The following L3MBTL4 variants were observed in gnomAD, a reference collection of about 807,000 sequenced individuals.
L3MBTL4 encodes the protein lethal(3)malignant brain tumor-like protein 4.
In L3MBTL4, 70 loss-of-function variants were observed where a neutral mutation model predicts 84.5. The ratio of observed to expected loss-of-function variants is 0.83; its 90% CI spans 0.68 to 1.01. The LOEUF (loss-of-function observed/expected upper bound fraction) is 1.01. L3MBTL4 is among the 50% of genes least tolerant of loss of function. L3MBTL4 has a pLI of 0.00. For synonymous variants in L3MBTL4, 274 were observed against 259.8 expected (o/e 1.05, Z -0.52); for missense variants, 715 against 754.8 (o/e 0.95, Z 0.62).
At chr18:6,400,967 G>A (rs565094556) in intron 1 of L3MBTL4, among the ~76,000 whole-genome samples, 10 of 152,274 alleles carry the variant, frequency 6.6e-5, no homozygotes, top group South Asian at 4.1e-4. Flanking sequence ...GACTCACAAG[G>A]TGTCCTCAAT....
At chr18:6,077,812 C>T (rs1257808170) in intron 16 of L3MBTL4, among the ~76,000 whole-genome samples, 1 of 151,264 alleles carries the variant, frequency 6.6e-6, no homozygotes, top group Non-Finnish European at 1.5e-5. Flanking sequence ...CAGTGGATCA[C>T]GAGGTCAGGA....
chr18:6,313,696 A>G (rs1490371618), intron 1 of L3MBTL4, among the ~76,000 whole-genome samples: 1 of 152,194 alleles, frequency 6.6e-6, no homozygotes, highest in Non-Finnish European at 1.5e-5. Flanking sequence ...TCAAACTGAA[A>G]TCATCTGGCT....
chr18:6,382,366 G>T (rs2054626355), intron 1 of L3MBTL4, among the ~76,000 whole-genome samples: 1 of 152,132 alleles, frequency 6.6e-6, no homozygotes, highest in Non-Finnish European at 1.5e-5. Flanking sequence ...ATCCAGTGTT[G>T]TCCCCTTGCT....
intron 1 of L3MBTL4, among the ~76,000 whole-genome samples, chr18:6,360,277 G>A (rs1025199195): frequency 2.6e-5 from 4 of 152,100 alleles, no homozygotes; most frequent in East Asian, 1.9e-4. Context: ...AGACTGACAC[G>A]GGGGGATCCC....
At chr18:6,413,647 T>G (rs62079212) in intron 1 of L3MBTL4, among the ~76,000 whole-genome samples, 407 of 152,250 alleles carry the variant, frequency 2.7e-3, no homozygotes, top group Admixed American at 4.9e-3. Flanking sequence ...ACAAGCATCT[T>G]CTAGAACAGC....
intron 10 of L3MBTL4, among the ~76,000 whole-genome samples, chr18:6,216,570 TCA>T (rs2046336737): frequency 6.6e-6 from 1 of 152,182 alleles, no homozygotes; most frequent in Non-Finnish European, 1.5e-5. Flanking sequence ...CTACATCTCT[TCA>T]GTTTATTTTA....
intron 16 of L3MBTL4, among the ~76,000 whole-genome samples, chr18:6,079,332 G>A (rs1040335988): frequency 2.6e-5 from 4 of 152,146 alleles, no homozygotes; most frequent in African/African-American, 7.2e-5. Context: ...ACCTAAGGCC[G>A]ACTGCTCCTC....
intron 16 of L3MBTL4, among the ~76,000 whole-genome samples, chr18:6,051,561 G>A (rs887801461): frequency 6.6e-6 from 1 of 151,610 alleles, no homozygotes; most frequent in Non-Finnish European, 1.5e-5. Flanking sequence ...AGGAAGAAAC[G>A]AATAGGGCAG....
chr18:5,960,011 C>T (rs1016778232), intron 18 of L3MBTL4, 83 bp downstream of exon 18: 8 of 172,052 alleles, frequency 4.6e-5, no homozygotes, highest in African/African-American at 1.9e-4. Context: ...GAAATACATA[C>T]ATATATATAT....
intron 4 of L3MBTL4, among the ~76,000 whole-genome samples, chr18:6,289,063 T>C (rs905028802): frequency 4.6e-5 from 7 of 152,060 alleles, no homozygotes; most frequent in African/African-American, 1.7e-4. Flanking sequence ...ATATAGTAAG[T>C]TGTTGTCCTA....
intron 16 of L3MBTL4, among the ~76,000 whole-genome samples, chr18:5,973,573 C>T (rs2052758073): frequency 6.6e-6 from 1 of 152,172 alleles, no homozygotes; most frequent in Non-Finnish European, 1.5e-5. Flanking sequence ...TATGTCACAT[C>T]AGATACTCAC....
intron 16 of L3MBTL4, among the ~76,000 whole-genome samples, chr18:6,026,613 C>G (rs949219780): frequency 7.2e-5 from 11 of 152,162 alleles, no homozygotes; most frequent in African/African-American, 2.7e-4. Context: ...AACACCTATT[C>G]AATTTCAACA....
chr18:5,977,324 G>C (rs1459553490), intron 16 of L3MBTL4, among the ~76,000 whole-genome samples: 2 of 152,182 alleles, frequency 1.3e-5, no homozygotes, highest in African/African-American at 4.8e-5. Context: ...CTAGGCCCCA[G>C]AGTCTTCCAC....
At chr18:6,180,507 A>G (rs1163500741) in intron 12 of L3MBTL4, among the ~76,000 whole-genome samples, 1 of 152,098 alleles carries the variant, frequency 6.6e-6, no homozygotes, top group Non-Finnish European at 1.5e-5. Flanking sequence ...CCTCAAACTC[A>G]TCTGCTTTTC....
intron 10 of L3MBTL4, among the ~76,000 whole-genome samples, chr18:6,232,501 C>T (rs891496027): frequency 1.3e-5 from 2 of 152,006 alleles, no homozygotes; most frequent in Non-Finnish European, 2.9e-5. Flanking sequence ...ACTAGTCAAG[C>T]CTAGGGCTTT....
At chr18:6,042,990 C>A (rs149026702) in intron 16 of L3MBTL4, among the ~76,000 whole-genome samples, 1 of 152,148 alleles carries the variant, frequency 6.6e-6, no homozygotes, top group Non-Finnish European at 1.5e-5. Context: ...AAACCTAATC[C>A]TTTTCAAGCT....
In L3MBTL4 at chr18:6,238,360, C is replaced by T. The variant is rs541796246; in HGVS notation, c.708-320G>A. ...CATCCTGGCTAACATGGTGAAACCC[C>T]GTCTCCACTAAAAATACAAAAAATT... On this transcript the variant is annotated intron_variant, in intron 9 of 18. Transcript: ENST00000317931. Among the ~76,000 whole-genome samples the T allele has an allele frequency of 7.9e-5, 12 of 152,064 alleles. No individual in the cohort carries two copies. The South Asian group carries it at 1.9e-3, about 24-fold the overall frequency.
chr18:6,105,982 A>T (rs1188546078), intron 14 of L3MBTL4, among the ~76,000 whole-genome samples: 4 of 152,210 alleles, frequency 2.6e-5, no homozygotes, highest in Non-Finnish European at 4.4e-5. Context: ...CATAGTTTTT[A>T]CTATACATGA....
chr18:6,126,725 G>A (rs2059707590), intron 14 of L3MBTL4, among the ~76,000 whole-genome samples: 1 of 152,056 alleles, frequency 6.6e-6, no homozygotes, highest in Non-Finnish European at 1.5e-5. Flanking sequence ...TTATAGTAAT[G>A]GGTAGAACTG....
Sources: allele counts gnomAD v4.1 joint callset (sites outside exome capture counted in the v4.1 genomes callset), GRCh38; gene constraint gnomAD v4.1.1; transcripts MANE v1.5; gene names NCBI Gene and HGNC (gene_info 2026-07-23, HGNC 2026-07-21).